Variants in CACNA2D4 observed in about 807,000 individuals in gnomAD.
The protein encoded by CACNA2D4 is calcium voltage-gated channel auxiliary subunit alpha2delta 4.
CACNA2D4 carries 157 observed loss-of-function variants against 163.8 expected under a neutral mutation model. The observed-to-expected ratio is 0.96, with a 90% CI of 0.84 to 1.09. CACNA2D4 has a LOEUF of 1.09. Ranked by LOEUF, CACNA2D4 falls within the 50% of genes least tolerant of loss-of-function variation. CACNA2D4 has a pLI of 0.00. For missense variants in CACNA2D4, 1,410 were observed against 1,479.9 expected (o/e 0.95, Z 0.78); for synonymous variants, 598 against 586.9 (o/e 1.02, Z -0.27).
chr12:1,874,758 G>A lies in CACNA2D4; in HGVS notation c.1807-83C>T, dbSNP rs575007719. 7.2e-5 allele frequency: 71 copies of A among 987,320 alleles called. 2 individuals carry two copies. The East Asian group carries it at 1.6e-3, about 23-fold the overall frequency. 61.2% of individuals were successfully genotyped at this position (987,320 alleles called of 1,614,324 possible). ...TGGCATTCTTCAGACCAGATTAGAG[G>A]TGATCCCCAGAAACACTTTTGGTTC... On this transcript the variant is annotated intron_variant, in intron 17 of 37. Coordinates refer to ENST00000382722, the MANE Select transcript of CACNA2D4 (RefSeq NM_172364.5). This position sits in a 1 kb window ranked among gnomAD's most constrained non-coding sequence, Gnocchi z 4.4.
At chr12:1,912,907 G>C in intron 3 of CACNA2D4, 116 bp downstream of exon 3, 1 of 658,640 alleles carries the variant, frequency 1.5e-6, no homozygotes, top group Non-Finnish European at 2.7e-6. Context: ...AATCTTGTAA[G>C]ATAGGAGAGG....
intron 18 of CACNA2D4, among the ~76,000 whole-genome samples, chr12:1,867,475 C>T (rs1865678442): frequency 6.6e-6 from 1 of 152,116 alleles, no homozygotes; most frequent in Admixed American, 6.6e-5. Context: ...TATTCTACAA[C>T]CTGCTGGGAA....
chr12:1,849,117 T>C (rs181615255), intron 23 of CACNA2D4, among the ~76,000 whole-genome samples: 30 of 152,346 alleles, frequency 2.0e-4, no homozygotes, highest in African/African-American at 7.2e-4. Flanking sequence ...CATGGGCTCA[T>C]TTTAAAGAGG....
chr12:1,824,336 C>G (rs921715152), intron 26 of CACNA2D4, among the ~76,000 whole-genome samples: 2 of 152,208 alleles, frequency 1.3e-5, no homozygotes, highest in South Asian at 2.1e-4. Context: ...ACAAGGCTCC[C>G]AAGCTAGACC....
chr12:1,794,914 C>A (rs1863066997), intron 37 of CACNA2D4: 1 of 404,208 alleles, frequency 2.5e-6, no homozygotes, highest in South Asian at 8.7e-5. Flanking sequence ...GTGGCCAGCT[C>A]TCATCCTGTC....
intron 6 of CACNA2D4, among the ~76,000 whole-genome samples, chr12:1,890,244 C>T (rs1344266570): frequency 6.6e-6 from 1 of 152,134 alleles, no homozygotes; most frequent in Non-Finnish European, 1.5e-5. Context: ...CTCATACACC[C>T]CCAGATCTCT....
Position 1,918,502 on chromosome 12 carries a change from C to T in CACNA2D4, c.-29G>A, listed in dbSNP as rs991112505. Reference sequence around the variant, plus strand: ...CTCTGTCTGCCTTCCTCCCAGACCCCAGGACGCCCCAGGCCTTTGTCTTCC... The same window carrying T: ...CTCTGTCTGCCTTCCTCCCAGACCCTAGGACGCCCCAGGCCTTTGTCTTCC... On this transcript the variant is annotated 5_prime_UTR_variant, in exon 1 of 38. Coordinates refer to ENST00000382722, the MANE Select transcript of CACNA2D4 (RefSeq NM_172364.5). The T allele has an allele frequency of 2.6e-6, 4 of 1,527,686 alleles. No individual in the cohort carries two copies. The highest frequency in any genetic ancestry group is 2.3e-4 in the Middle Eastern group (1 of 4,416). 94.6% of individuals were successfully genotyped at this position (1,527,686 alleles called of 1,614,324 possible). A position where few individuals can be genotyped will look rare whatever the true frequency, so the allele number is the denominator to read the frequency against.
At chr12:1,901,134 A>T (rs1866527240) in intron 6 of CACNA2D4, among the ~76,000 whole-genome samples, 1 of 152,198 alleles carries the variant, frequency 6.6e-6, no homozygotes, top group Non-Finnish European at 1.5e-5. Flanking sequence ...AAGGAAATTG[A>T]AAAATTTCTT....
chr12:1,914,676 C>G (rs1444900738), intron 2 of CACNA2D4, among the ~76,000 whole-genome samples, 178 bp downstream of exon 2: 1 of 152,218 alleles, frequency 6.6e-6, no homozygotes, highest in Non-Finnish European at 1.5e-5. Context: ...CGAACCACCC[C>G]CACTGCCCTG....
In CACNA2D4 at chr12:1,810,540, T is replaced by A; in HGVS notation, c.2658+3A>T. The A allele has an allele frequency of 1.9e-6, 3 of 1,553,474 alleles. No individual in the cohort carries two copies. The highest frequency in any genetic ancestry group is 2.6e-6 in the Non-Finnish European group (3 of 1,147,930). On this transcript the variant is annotated splice_donor_region_variant and intron_variant, in intron 28 of 37. Coordinates refer to ENST00000382722, the MANE Select transcript of CACNA2D4 (RefSeq NM_172364.5). Reference sequence around the variant, plus strand: ...CCACCTTCCTCACACGGGCAGAACTTACACTGTCCTCGCAGCTCTGTGTGC... The same window carrying A: ...CCACCTTCCTCACACGGGCAGAACTAACACTGTCCTCGCAGCTCTGTGTGC...
chr12:1,815,708 G>A (rs1164846720), intron 26 of CACNA2D4, among the ~76,000 whole-genome samples: 1 of 152,168 alleles, frequency 6.6e-6, no homozygotes, highest in African/African-American at 2.4e-5. Flanking sequence ...AGGTCTCACT[G>A]TCCCTTCCCT....
chr12:1,856,133 T>C (rs775270500), intron 21 of CACNA2D4, 24 bp from the exon 22 acceptor site: 24 of 1,613,552 alleles, frequency 1.5e-5, no homozygotes, highest in East Asian at 2.2e-5. Context: ...AAGTCAGTGT[T>C]ATCTCAAAAC....
intron 26 of CACNA2D4, among the ~76,000 whole-genome samples, chr12:1,838,377 C>T (rs971506991): frequency 1.3e-5 from 2 of 152,176 alleles, no homozygotes; most frequent in South Asian, 2.1e-4. Flanking sequence ...GCAGGCCTGG[C>T]GCTCACACGC....
chr12:1,851,680 T>TGTGTGTGTGTG (rs55736421), intron 23 of CACNA2D4, among the ~76,000 whole-genome samples: 11 of 26,744 alleles, frequency 4.1e-4, no homozygotes, highest in East Asian at 5.5e-3. Flanking sequence ...TGTGTGTGCG[T>TGTGTGTGTGTG]TTTTTTTTTT....
At chr12:1,810,659 C>CTG in intron 27 of CACNA2D4, 72 bp from the exon 28 acceptor site, 8 of 1,444,340 alleles carry the variant, frequency 5.5e-6, no homozygotes, top group Non-Finnish European at 7.6e-6. Context: ...AGTGGGAATG[C>CTG]TGTGTGTGTG....
chr12:1,892,184 A>G (rs911962722), intron 6 of CACNA2D4, among the ~76,000 whole-genome samples: 9 of 152,256 alleles, frequency 5.9e-5, no homozygotes, highest in African/African-American at 1.7e-4. Context: ...GTTGCTTACA[A>G]GGGAACTTCC....
Position 1,878,442 on chromosome 12 carries a change from C to A in CACNA2D4, c.1645-53G>T. 1 of 1,559,238 alleles carries A rather than the reference C, an allele frequency of 6.4e-7. No homozygotes were observed. Among genetic ancestry groups the A allele is most frequent in the South Asian group, 1.2e-5 (1 of 84,530 alleles). ...TAGGCCTGCTGTTTGTGCTGGGCATCTGGAGTTGGGCAGGGGTTTGGGGGC... is the reference window on the plus strand; with the variant it reads ...TAGGCCTGCTGTTTGTGCTGGGCATATGGAGTTGGGCAGGGGTTTGGGGGC... On this transcript the variant is annotated intron_variant, in intron 15 of 37. Coordinates refer to ENST00000382722, the MANE Select transcript of CACNA2D4 (RefSeq NM_172364.5). This position sits in a 1 kb window ranked among gnomAD's most constrained non-coding sequence, Gnocchi z 4.6.
chr12:1,893,655 A>G (rs1206331544), intron 6 of CACNA2D4, among the ~76,000 whole-genome samples: 1 of 152,190 alleles, frequency 6.6e-6, no homozygotes, highest in Non-Finnish European at 1.5e-5. Flanking sequence ...ATGCACCTGA[A>G]TGACCAATGG....
At position 1,828,290 on chromosome 12, in the gene CACNA2D4, T is replaced by C; in HGVS notation, c.2551+12449A>G. The C allele has an allele frequency of 7.6e-7, 1 of 1,308,932 alleles. No individual in the cohort carries two copies. Among genetic ancestry groups the C allele is most frequent in the African/African-American group, 1.5e-5 (1 of 67,158 alleles). The allele number at this position is 1,308,932 out of a possible 1,614,324, so 81.1% of individuals were successfully genotyped here. On this transcript the variant is annotated intron_variant, in intron 26 of 37. Coordinates refer to ENST00000382722, the MANE Select transcript of CACNA2D4 (RefSeq NM_172364.5). The surrounding 1 kb of genome is among the most constrained non-coding windows in gnomAD (Gnocchi z 4.2). ...CGAGGTGACTGTAGGTAGCGCCATATGGGACCTTAGCCACACTCAGGCTGC... is the reference window on the plus strand; with the variant it reads ...CGAGGTGACTGTAGGTAGCGCCATACGGGACCTTAGCCACACTCAGGCTGC...
Sources: gnomAD v4.1 joint callset for allele counts (sites outside exome capture counted in the v4.1 genomes callset) on GRCh38, gnomAD v4.1.1 for gene constraint, Gnocchi (gnomAD v3.1) non-coding constraint, MANE v1.5 for transcripts, NCBI Gene and HGNC (gene_info 2026-07-23, HGNC 2026-07-21) for gene names.